GRB14: variants seen among roughly 807,000 people sequenced by gnomAD.
GRB14 encodes growth factor receptor bound protein 14.
In GRB14, 38 loss-of-function variants were observed where a neutral mutation model predicts 69.1. The observed-to-expected ratio is 0.55, with a 90% CI of 0.42 to 0.72. GRB14 has a LOEUF of 0.72. Among genes scored for constraint, GRB14 ranks in the 30% least tolerant of loss-of-function variants. The pLI is 0.00. For missense variants in GRB14, 666 were observed against 666.1 expected (o/e 1.00, Z 0.00); for synonymous variants, 247 against 241.3 (o/e 1.02, Z -0.22).
At position 164,547,825 on chromosome 2, in the gene GRB14, G is replaced by A. The variant is rs371063609; in HGVS notation, c.325-9C>T. ...CTGTATACTTTAATCACCTGTGTAGGTAGAAACAAGAAAAAGACCTAAAAT... is the reference window on the plus strand; with the variant it reads ...CTGTATACTTTAATCACCTGTGTAGATAGAAACAAGAAAAAGACCTAAAAT... On this transcript the variant is annotated splice_polypyrimidine_tract_variant and intron_variant, in intron 2 of 13. Transcript: ENST00000263915. The A allele has an allele frequency of 1.3e-6, 2 of 1,577,012 alleles. No individual in the cohort carries two copies. Among genetic ancestry groups the A allele is most frequent in the East Asian group, 2.3e-5 (1 of 44,310 alleles).
At chr2:164,617,951 CTT>C (rs11438490) in intron 2 of GRB14, among the ~76,000 whole-genome samples, 1 of 56,302 alleles carries the variant, frequency 1.8e-5, no homozygotes, top group Admixed American at 2.3e-4. Context: ...AAGCCAGAAT[CTT>C]TTTTTTGGGG....
intron 2 of GRB14, among the ~76,000 whole-genome samples, chr2:164,553,203 T>A (rs1688589756): frequency 6.6e-6 from 1 of 152,114 alleles, no homozygotes; most frequent in African/African-American, 2.4e-5. Context: ...ACCAATTTTT[T>A]TTAAAAAAGG....
intron 8 of GRB14, among the ~76,000 whole-genome samples, chr2:164,507,362 G>T (rs1465547450): frequency 6.6e-6 from 1 of 152,080 alleles, no homozygotes; most frequent in Non-Finnish European, 1.5e-5. Context: ...GGGAACCTAA[G>T]GACTTCACAG....
At chr2:164,596,156 T>C (rs918535486) in intron 2 of GRB14, among the ~76,000 whole-genome samples, 2 of 152,168 alleles carry the variant, frequency 1.3e-5, no homozygotes, top group Non-Finnish European at 1.5e-5. Flanking sequence ...CTGAATTCTA[T>C]ATTTGTACTT....
chr2:164,515,301 G>A (rs1344231940), intron 6 of GRB14, among the ~76,000 whole-genome samples: 4 of 152,162 alleles, frequency 2.6e-5, no homozygotes, highest in African/African-American at 9.7e-5. Context: ...GACCCTCACA[G>A]AGTCCACTTC....
In GRB14 at chr2:164,619,803, G is replaced by T; in HGVS notation, c.208C>A (p.Leu70Ile). 1 of 1,609,242 alleles carries T rather than the reference G, an allele frequency of 6.2e-7. No homozygotes were observed. The highest frequency in any genetic ancestry group is 8.5e-7 in the Non-Finnish European group (1 of 1,177,414). The change falls in exon 2 of 14, where the codon CTT becomes ATT. Residue 70 changes from leucine (L) to isoleucine (I), a missense_variant. Leu to Ile is a conservative substitution (Grantham distance 5). Coordinates refer to ENST00000263915, the MANE Select transcript of GRB14 (RefSeq NM_004490.3). ...ATAGATGGCATTTCCGGAACATCAA[G>T]ATCTTTCTTTTTTCTCCTACAGTAA... is the stretch of plus-strand genomic sequence containing the variant. ...CAADRRKKKD[L>I]DVPEMPSIPN...
intron 2 of GRB14, among the ~76,000 whole-genome samples, chr2:164,577,610 C>G (rs1159991288): frequency 6.6e-6 from 1 of 152,282 alleles, no homozygotes; most frequent in East Asian, 1.9e-4. Context: ...GTCAATCAAA[C>G]CTCTTTTCTT....
chr2:164,537,126 A>G (rs917133863), intron 3 of GRB14, among the ~76,000 whole-genome samples: 1 of 152,130 alleles, frequency 6.6e-6, no homozygotes, highest in Admixed American at 6.5e-5. Flanking sequence ...GGAAAGGGTG[A>G]TTCTACTTCA....
chr2:164,512,872 T>C (rs1404835710), intron 6 of GRB14, among the ~76,000 whole-genome samples: 1 of 152,248 alleles, frequency 6.6e-6, no homozygotes, highest in East Asian at 1.9e-4. Context: ...CATTGCCATT[T>C]GTTTGCTTCA....
chr2:164,583,158 C>A (rs6706605), intron 2 of GRB14, among the ~76,000 whole-genome samples: 28 of 152,176 alleles, frequency 1.8e-4, no homozygotes, highest in African/African-American at 4.8e-4. Context: ...TCTAATTTAA[C>A]CCTGTTTATC....
chr2:164,515,577 C>T (rs1687460059), intron 6 of GRB14, among the ~76,000 whole-genome samples: 1 of 152,130 alleles, frequency 6.6e-6, no homozygotes, highest in African/African-American at 2.4e-5. Context: ...CCTTCAGCCA[C>T]AAATCTTCCT....
At chr2:164,590,326 C>T (rs1196975985) in intron 2 of GRB14, among the ~76,000 whole-genome samples, 3 of 151,904 alleles carry the variant, frequency 2.0e-5, no homozygotes, top group Non-Finnish European at 4.4e-5. Flanking sequence ...TAAGACCAGT[C>T]ACCAATGGGA....
chr2:164,567,471 T>TAA (rs890279274), intron 2 of GRB14, among the ~76,000 whole-genome samples: 2 of 152,164 alleles, frequency 1.3e-5, no homozygotes, highest in African/African-American at 4.8e-5. Context: ...AGTTCAAAAA[T>TAA]AAACACTACA....
intron 2 of GRB14, among the ~76,000 whole-genome samples, chr2:164,598,300 A>T (rs1330831390): frequency 6.6e-6 from 1 of 152,214 alleles, no homozygotes; most frequent in Non-Finnish European, 1.5e-5. Context: ...TAGGTATGTT[A>T]GGTATTAAAT....
chr2:164,584,285 G>A (rs564882807), intron 2 of GRB14, among the ~76,000 whole-genome samples: 1 of 149,562 alleles, frequency 6.7e-6, no homozygotes, highest in South Asian at 2.1e-4. Flanking sequence ...GATTACAGGC[G>A]TGAACCACCG....
At chr2:164,543,564 C>T (rs1374394093) in intron 3 of GRB14, among the ~76,000 whole-genome samples, 7 of 152,028 alleles carry the variant, frequency 4.6e-5, no homozygotes, top group Middle Eastern at 3.2e-3. Flanking sequence ...TATGCAGAGC[C>T]GACTAGCTGA....
intron 2 of GRB14, among the ~76,000 whole-genome samples, chr2:164,587,596 C>G (rs1689568343): frequency 1.3e-5 from 2 of 151,962 alleles, no homozygotes; most frequent in South Asian, 4.2e-4. Flanking sequence ...ATACTACATA[C>G]TAACAAATAA....
At chr2:164,594,229 G>A (rs1422612417) in intron 2 of GRB14, among the ~76,000 whole-genome samples, 1 of 151,912 alleles carries the variant, frequency 6.6e-6, no homozygotes, top group Non-Finnish European at 1.5e-5. Context: ...ACAAAAAAAA[G>A]GGTTACCTCC....
intron 2 of GRB14, among the ~76,000 whole-genome samples, chr2:164,555,909 C>A (rs1461102456): frequency 6.6e-6 from 1 of 151,596 alleles, no homozygotes; most frequent in Non-Finnish European, 1.5e-5. Flanking sequence ...TATAATGTTT[C>A]AATATTTTTC....
Sources: allele counts gnomAD v4.1 joint callset (sites outside exome capture counted in the v4.1 genomes callset), GRCh38; gene constraint gnomAD v4.1.1; transcripts MANE v1.5; gene names NCBI Gene and HGNC (gene_info 2026-07-23, HGNC 2026-07-21).